PRR16: variants seen among roughly 807,000 people sequenced by gnomAD.
PRR16 encodes protein Largen.
Under a neutral mutation model 18.2 loss-of-function variants are expected in PRR16, and 6 were observed. The observed-to-expected ratio is 0.33, with a 90% CI of 0.18 to 0.65. The LOEUF (loss-of-function observed/expected upper bound fraction) is 0.65. Ranked by LOEUF, PRR16 falls within the 30% of genes least tolerant of loss-of-function variation. The probability of loss-of-function intolerance (pLI) is 0.74; values close to 1 mark genes in which losing one functional copy is unlikely to be tolerated. For missense variants in PRR16, 412 were observed against 376.6 expected, an observed-to-expected ratio of 1.09 and a Z score of -0.78; for synonymous variants, 151 against 147.8, an observed-to-expected ratio of 1.02 and a Z score of -0.16.
chr5:120,540,710 T>C (rs777022574), intron 1 of PRR16, among the ~76,000 whole-genome samples: 2 of 152,184 alleles, frequency 1.3e-5, no homozygotes, highest in Non-Finnish European at 2.9e-5. Flanking sequence ...TATATCCTAC[T>C]GCTCAAGGTC....
intron 1 of PRR16, among the ~76,000 whole-genome samples, chr5:120,509,190 A>G (rs1418053438): frequency 6.6e-6 from 1 of 152,116 alleles, no homozygotes; most frequent in Non-Finnish European, 1.5e-5. Flanking sequence ...TGTTTCTAGT[A>G]TTCATCTTGT....
chr5:120,472,600 T>G (rs1749304631), intron 1 of PRR16, among the ~76,000 whole-genome samples: 1 of 152,174 alleles, frequency 6.6e-6, no homozygotes, highest in Non-Finnish European at 1.5e-5. Context: ...TGCCATTTTA[T>G]TTTTTAGAAA....
intron 1 of PRR16, among the ~76,000 whole-genome samples, chr5:120,593,319 G>A (rs1161853171): frequency 6.6e-6 from 1 of 151,858 alleles, no homozygotes; most frequent in Non-Finnish European, 1.5e-5. Flanking sequence ...CAAAGGGAAC[G>A]TTACCGCTGA....
chr5:120,596,132 T>C (rs1279387963), intron 1 of PRR16, among the ~76,000 whole-genome samples: 2 of 73,460 alleles, frequency 2.7e-5, no homozygotes, highest in East Asian at 8.8e-4. Flanking sequence ...ATTTTTTTTA[T>C]CTCTTGTCTT....
the PRR16 span, among the ~76,000 whole-genome samples, chr5:120,742,531 C>CA: frequency 1.4e-4 from 21 of 151,378 alleles, no homozygotes; most frequent in Admixed American, 1.1e-3. Flanking sequence ...TAATTTTAAA[C>CA]AAAAAATTCT....
chr5:120,696,391 G>A, the PRR16 span, among the ~76,000 whole-genome samples: 1 of 152,120 alleles, frequency 6.6e-6, no homozygotes, highest in Non-Finnish European at 1.5e-5. Flanking sequence ...ATTATTAAAG[G>A]CAGTACTTAC....
At chr5:120,506,936 C>T (rs996379000) in intron 1 of PRR16, among the ~76,000 whole-genome samples, 1 of 152,054 alleles carries the variant, frequency 6.6e-6, no homozygotes, top group Non-Finnish European at 1.5e-5. Flanking sequence ...TAATGGGGGT[C>T]AGTATTTTAG....
At chr5:120,650,319 T>G (rs970450406) in intron 1 of PRR16, among the ~76,000 whole-genome samples, 2 of 151,880 alleles carry the variant, frequency 1.3e-5, no homozygotes, top group Non-Finnish European at 2.9e-5. Flanking sequence ...AAATGATTTT[T>G]TTTCTTTTTT....
chr5:120,695,566 A>G, the PRR16 span, among the ~76,000 whole-genome samples: 2 of 151,842 alleles, frequency 1.3e-5, no homozygotes, highest in African/African-American at 2.4e-5. Context: ...CTTAGTTTCT[A>G]CTCCATCCTG....
intron 1 of PRR16, among the ~76,000 whole-genome samples, chr5:120,548,670 T>G (rs565681837): frequency 6.8e-6 from 1 of 146,916 alleles, no homozygotes; most frequent in Admixed American, 6.8e-5. Context: ...TGGAACTATC[T>G]TTTATCAGTA....
intron 1 of PRR16, among the ~76,000 whole-genome samples, chr5:120,620,469 T>G (rs1432503134): frequency 1.3e-5 from 2 of 152,156 alleles, no homozygotes; most frequent in African/African-American, 4.8e-5. Context: ...GAAGCATTCT[T>G]TAACCTGGCC....
chr5:120,669,489 A>G (rs1222461949), intron 1 of PRR16, among the ~76,000 whole-genome samples: 1 of 152,144 alleles, frequency 6.6e-6, no homozygotes, highest in Admixed American at 6.6e-5. Context: ...TTATTAGAAT[A>G]GGTAGATATT....
chr5:120,511,605 G>A (rs1327390128), intron 1 of PRR16, among the ~76,000 whole-genome samples: 1 of 152,086 alleles, frequency 6.6e-6, no homozygotes, highest in African/African-American at 2.4e-5. Flanking sequence ...ACTGCTTATG[G>A]TAGATTAATT....
At chr5:120,506,190 A>G (rs908989381) in intron 1 of PRR16, among the ~76,000 whole-genome samples, 5 of 152,040 alleles carry the variant, frequency 3.3e-5, no homozygotes, top group Non-Finnish European at 7.4e-5. Context: ...TCATTGAGTT[A>G]CCATGTGGGT....
intron 1 of PRR16, among the ~76,000 whole-genome samples, chr5:120,519,044 T>C (rs1751088116): frequency 5.3e-5 from 8 of 152,142 alleles, no homozygotes; most frequent in Admixed American, 5.2e-4. Flanking sequence ...AAGCCTACGA[T>C]TGAACCTTCC....
the PRR16 span, among the ~76,000 whole-genome samples, chr5:120,757,109 G>GT: frequency 6.6e-6 from 1 of 151,972 alleles, no homozygotes; most frequent in East Asian, 1.9e-4. Context: ...TGTTAACTTT[G>GT]TTGAAGATCA....
intron 1 of PRR16, among the ~76,000 whole-genome samples, chr5:120,557,828 G>T (rs549029119): frequency 3.3e-5 from 5 of 151,850 alleles, no homozygotes; most frequent in Admixed American, 3.3e-4. Context: ...CTTTAATGTA[G>T]ATACTTCTGA....
intron 1 of PRR16, among the ~76,000 whole-genome samples, chr5:120,642,302 A>G (rs1455112258): frequency 6.6e-6 from 1 of 151,658 alleles, no homozygotes; most frequent in African/African-American, 2.4e-5. Context: ...AGTTGTTTAT[A>G]GTGGGCAGAA....
At chr5:120,624,280 C>T (rs896001490) in intron 1 of PRR16, among the ~76,000 whole-genome samples, 11 of 152,000 alleles carry the variant, frequency 7.2e-5, no homozygotes, top group African/African-American at 1.9e-4. Flanking sequence ...AAGATGAAAC[C>T]GAAAGTAAGA....
Sources: allele counts gnomAD v4.1 joint callset (sites outside exome capture counted in the v4.1 genomes callset), GRCh38; gene constraint gnomAD v4.1.1; transcripts MANE v1.5; gene names NCBI Gene and HGNC (gene_info 2026-07-23, HGNC 2026-07-21).